SPPL3: variants seen among roughly 807,000 people sequenced by gnomAD.
SPPL3 encodes signal peptide peptidase like 3.
Under a neutral mutation model 42.4 loss-of-function variants are expected in SPPL3, and 5 were observed. That is an observed-to-expected ratio of 0.12 (90% confidence interval 0.06 to 0.25). The LOEUF (loss-of-function observed/expected upper bound fraction) is 0.25, where lower values mean the gene tolerates loss of function less well. SPPL3 is among the 10% of genes least tolerant of loss of function. The probability of loss-of-function intolerance (pLI) is 1.00; values close to 1 mark genes in which losing one functional copy is unlikely to be tolerated. For synonymous variants in SPPL3, 195 were observed against 181.8 expected (o/e 1.07, Z -0.58); for missense variants, 235 against 489.0 (o/e 0.48, Z 4.90).
chr12:120,866,800 A>C (rs560985772), intron 1 of SPPL3, among the ~76,000 whole-genome samples: 1 of 152,206 alleles, frequency 6.6e-6, no homozygotes, highest in Non-Finnish European at 1.5e-5. Flanking sequence ...GTCACTTCTC[A>C]AAGTCAGAAT....
intron 1 of SPPL3, chr12:120,845,024 C>T (rs1871971598): frequency 8.4e-6 from 2 of 237,830 alleles, no homozygotes. Context: ...ACCATGGAGG[C>T]AGCTTCTGCA....
At chr12:120,834,597 C>T (rs1256303513) in intron 1 of SPPL3, among the ~76,000 whole-genome samples, 2 of 152,158 alleles carry the variant, frequency 1.3e-5, no homozygotes, top group Admixed American at 1.3e-4. Context: ...CCTCTCCCGT[C>T]GCCATACTCC....
chr12:120,834,311 A>C (rs1871534696), intron 1 of SPPL3, among the ~76,000 whole-genome samples: 1 of 152,194 alleles, frequency 6.6e-6, no homozygotes. Context: ...GCCCCTGGTT[A>C]ACAAATGGGC....
Position 120,847,794 on chromosome 12 carries a change from T to C in SPPL3, c.24-36908A>G, listed in dbSNP as rs181346804. On this transcript the variant is annotated intron_variant, in intron 1 of 10. Transcript: ENST00000353487. ...TAAAAAGGGAGCTAATATTTATAAT[T>C]AATATTCCATAGCAGAGAACTGTCT... Among the ~76,000 whole-genome samples, 3 of 152,208 alleles carry C rather than the reference T, an allele frequency of 2.0e-5. No individual in the cohort carries two copies. The East Asian group carries it at 5.8e-4, about 29-fold the overall frequency.
intron 1 of SPPL3, among the ~76,000 whole-genome samples, chr12:120,833,316 T>C (rs1038573558): frequency 2.0e-5 from 3 of 151,622 alleles, no homozygotes; most frequent in Non-Finnish European, 1.5e-5. Context: ...GAAAACAGGG[T>C]TGGCCAAAGA....
chr12:120,788,919 T>C (rs1326431920), intron 3 of SPPL3, among the ~76,000 whole-genome samples: 1 of 152,224 alleles, frequency 6.6e-6, no homozygotes, highest in Non-Finnish European at 1.5e-5. Context: ...ATTTCTTTGA[T>C]TCTTGATAAA....
chr12:120,781,206 TATC>T (rs1372626724), intron 6 of SPPL3, among the ~76,000 whole-genome samples: 3 of 152,286 alleles, frequency 2.0e-5, no homozygotes, highest in African/African-American at 7.2e-5. Context: ...ACTTCATCCT[TATC>T]ATCAATGAAG....
intron 6 of SPPL3, among the ~76,000 whole-genome samples, chr12:120,773,681 G>A (rs1211472985): frequency 1.3e-5 from 2 of 152,208 alleles, no homozygotes; most frequent in Non-Finnish European, 2.9e-5. Flanking sequence ...GCTGAGTGCA[G>A]TGGCACAAGC....
intron 1 of SPPL3, among the ~76,000 whole-genome samples, chr12:120,836,404 T>C (rs1458923103): frequency 6.6e-6 from 1 of 152,030 alleles, no homozygotes; most frequent in Non-Finnish European, 1.5e-5. Context: ...AGAAGACAAC[T>C]ACATGAGAAA....
chr12:120,873,724 T>C (rs1458222110), intron 1 of SPPL3, among the ~76,000 whole-genome samples: 1 of 151,870 alleles, frequency 6.6e-6, no homozygotes, highest in African/African-American at 2.4e-5. Context: ...ATACAAAAAT[T>C]AGCTGGGTGT....
At chr12:120,889,995 C>T (rs1038641867) in intron 1 of SPPL3, among the ~76,000 whole-genome samples, 20 of 152,254 alleles carry the variant, frequency 1.3e-4, no homozygotes, top group African/African-American at 2.4e-4. Flanking sequence ...CCTGTAATCC[C>T]AGCACTTTGG....
chr12:120,802,140 T>G (rs912757918), intron 2 of SPPL3, among the ~76,000 whole-genome samples: 2 of 151,848 alleles, frequency 1.3e-5, no homozygotes, highest in African/African-American at 4.8e-5. Context: ...TTAAAAAGGA[T>G]TTTCTGAGGA....
intron 1 of SPPL3, among the ~76,000 whole-genome samples, chr12:120,901,623 A>G (rs1151853): frequency 0.96 from 141,480 of 147,034 alleles, 68,329 homozygotes; most frequent in South Asian, 1. Flanking sequence ...GAAACTGCCC[A>G]CTTTCCCCAG....
intron 1 of SPPL3, among the ~76,000 whole-genome samples, chr12:120,847,946 G>A (rs1488181755): frequency 6.6e-6 from 1 of 152,044 alleles, no homozygotes; most frequent in East Asian, 1.9e-4. Flanking sequence ...ACAAGTTTGG[G>A]GAGAGAGTGA....
chr12:120,803,297 T>C (rs1210456765), intron 2 of SPPL3, among the ~76,000 whole-genome samples: 1 of 152,236 alleles, frequency 6.6e-6, no homozygotes, highest in East Asian at 1.9e-4. Context: ...CCATTTTATT[T>C]TTCCTTGAAG....
chr12:120,890,546 G>C (rs944294046), intron 1 of SPPL3, among the ~76,000 whole-genome samples: 8 of 143,320 alleles, frequency 5.6e-5, no homozygotes, highest in Non-Finnish European at 8.9e-5. Context: ...CAGAGATCGC[G>C]CCATTGTACT....
chr12:120,817,186 T>G (rs112243234), intron 1 of SPPL3, among the ~76,000 whole-genome samples: 1 of 151,694 alleles, frequency 6.6e-6, no homozygotes, highest in Non-Finnish European at 1.5e-5. Flanking sequence ...TTCCAGCTAC[T>G]TGGGAGGCTG....
chr12:120,768,128 T>C (rs1323607449), intron 8 of SPPL3, among the ~76,000 whole-genome samples, 197 bp downstream of exon 8: 1 of 152,206 alleles, frequency 6.6e-6, no homozygotes, highest in African/African-American at 2.4e-5. Context: ...CATTAATCAA[T>C]AATAAAAGGC....
intron 1 of SPPL3, among the ~76,000 whole-genome samples, chr12:120,855,007 G>T (rs957150975): frequency 1.2e-4 from 19 of 152,274 alleles, no homozygotes; most frequent in Admixed American, 5.2e-4. Flanking sequence ...GGCAGGGAAG[G>T]GACAGGGAAG....
Sources: allele counts gnomAD v4.1 joint callset (sites outside exome capture counted in the v4.1 genomes callset), GRCh38; gene constraint gnomAD v4.1.1; transcripts MANE v1.5; gene names NCBI Gene and HGNC (gene_info 2026-07-23, HGNC 2026-07-21).